Variants in ANKRD13C observed in about 807,000 individuals in gnomAD.
ANKRD13C encodes the protein ankyrin repeat domain-containing protein 13C.
A neutral mutation model predicts 65.5 loss-of-function variants in ANKRD13C; 16 were observed. That is an observed-to-expected ratio of 0.24 (90% confidence interval 0.17 to 0.37). ANKRD13C has a LOEUF of 0.37. Ranked by LOEUF, ANKRD13C falls within the 10% of genes least tolerant of loss-of-function variation. The pLI, the probability that ANKRD13C is intolerant of heterozygous loss-of-function variation, is 1.00. For missense variants in ANKRD13C, 503 were observed against 655.9 expected, an observed-to-expected ratio of 0.77 and a Z score of 2.55; for synonymous variants, 235 against 238.7, an observed-to-expected ratio of 0.98 and a Z score of 0.14.
chr1:70,268,874 G>C (rs532421686), intron 12 of ANKRD13C, among the ~76,000 whole-genome samples: 1 of 150,590 alleles, frequency 6.6e-6, no homozygotes. Context: ...ATTTTTTTTT[G>C]ATTTTTTAGT....
At chr1:70,286,138 T>G (rs1242444207) in intron 9 of ANKRD13C, among the ~76,000 whole-genome samples, 4 of 152,180 alleles carry the variant, frequency 2.6e-5, no homozygotes, top group Non-Finnish European at 5.9e-5. Context: ...AATTCTATTT[T>G]GTTGTTCTTG....
At chr1:70,307,088 A>T (rs1159434973) in intron 5 of ANKRD13C, among the ~76,000 whole-genome samples, 1 of 152,216 alleles carries the variant, frequency 6.6e-6, no homozygotes, top group African/African-American at 2.4e-5. Context: ...TCTGTGTGTA[A>T]GATACGGCAG....
At chr1:70,296,530 T>G (rs976667697) in intron 7 of ANKRD13C, among the ~76,000 whole-genome samples, 3 of 152,204 alleles carry the variant, frequency 2.0e-5, no homozygotes, top group African/African-American at 7.2e-5. Flanking sequence ...GTTATAGATA[T>G]GTAATGGAAG....
intron 1 of ANKRD13C, among the ~76,000 whole-genome samples, chr1:70,352,655 G>A (rs999621771): frequency 1.3e-5 from 2 of 152,120 alleles, no homozygotes; most frequent in Non-Finnish European, 2.9e-5. Flanking sequence ...ATAAACTGAA[G>A]CTACAACCCA....
chr1:70,350,452 T>C (rs554143794), intron 1 of ANKRD13C, among the ~76,000 whole-genome samples: 2 of 152,312 alleles, frequency 1.3e-5, no homozygotes, highest in Admixed American at 6.5e-5. Context: ...AACCTGAAGG[T>C]AATCTTGCCA....
chr1:70,280,856 T>C (rs1679355996), intron 9 of ANKRD13C, among the ~76,000 whole-genome samples: 1 of 152,130 alleles, frequency 6.6e-6, no homozygotes, highest in African/African-American at 2.4e-5. Flanking sequence ...TAGGAAGCTA[T>C]CTCAGTAATC....
At chr1:70,324,144 T>C (rs930382464) in intron 3 of ANKRD13C, among the ~76,000 whole-genome samples, 6 of 152,178 alleles carry the variant, frequency 3.9e-5, no homozygotes, top group Admixed American at 3.9e-4. Flanking sequence ...ACTGCCAACG[T>C]TTTTTATTTC....
intron 5 of ANKRD13C, among the ~76,000 whole-genome samples, chr1:70,308,220 T>C (rs1244191442): frequency 6.6e-6 from 1 of 152,104 alleles, no homozygotes; most frequent in African/African-American, 2.4e-5. Context: ...GGTCTTGAAC[T>C]CCTAGCCTCA....
chr1:70,340,715 T>G (rs1682270538), intron 1 of ANKRD13C, among the ~76,000 whole-genome samples: 1 of 152,216 alleles, frequency 6.6e-6, no homozygotes. Flanking sequence ...TGAAGCCATG[T>G]TATCAAGTGC....
chr1:70,280,238 A>G (rs1172055551), intron 9 of ANKRD13C, among the ~76,000 whole-genome samples: 1 of 152,226 alleles, frequency 6.6e-6, no homozygotes, highest in Non-Finnish European at 1.5e-5. Flanking sequence ...CAGGGGCTAC[A>G]GAATGATATA....
At chr1:70,327,839 C>T (rs1398328606) in intron 2 of ANKRD13C, among the ~76,000 whole-genome samples, 4 of 151,936 alleles carry the variant, frequency 2.6e-5, no homozygotes, top group African/African-American at 9.7e-5. Flanking sequence ...CCAAGGGGGG[C>T]GGATCATCTG....
chr1:70,325,883 T>C (rs1300638239), intron 2 of ANKRD13C, among the ~76,000 whole-genome samples: 1 of 149,060 alleles, frequency 6.7e-6, no homozygotes, highest in African/African-American at 2.5e-5. Context: ...CATCTCAAAA[T>C]AAAATAAAAT....
intron 9 of ANKRD13C, among the ~76,000 whole-genome samples, chr1:70,286,344 A>G (rs1679623235): frequency 1.3e-5 from 2 of 152,296 alleles, no homozygotes. Flanking sequence ...CATTTTCTTC[A>G]TTCTAAAAAA....
Position 70,274,719 on chromosome 1 carries a change from C to A in ANKRD13C, c.1394+1G>T. 1 of 1,605,188 alleles carries A rather than the reference C, an allele frequency of 6.2e-7. No homozygotes were observed. Reference sequence around the variant, plus strand: ...ACATTTGTAGTTAGTAACAAACTTACAACTCTATCCCTAAGGGAAATTCCT... The same window carrying A: ...ACATTTGTAGTTAGTAACAAACTTAAAACTCTATCCCTAAGGGAAATTCCT... On this transcript the variant is annotated splice_donor_variant, in intron 11 of 12. Transcript: ENST00000370944. LOFTEE classifies it high-confidence loss of function.
At chr1:70,279,847 G>T (rs888674189) in intron 9 of ANKRD13C, among the ~76,000 whole-genome samples, 1 of 152,188 alleles carries the variant, frequency 6.6e-6, no homozygotes, top group Middle Eastern at 3.4e-3. Flanking sequence ...TGTGCGGCAC[G>T]CATTAATAAA....
intron 3 of ANKRD13C, among the ~76,000 whole-genome samples, chr1:70,323,703 C>T (rs982147557): frequency 2.5e-4 from 38 of 151,016 alleles, no homozygotes; most frequent in African/African-American, 8.3e-4. Context: ...AATGTATGTG[C>T]GGTACAATAT....
Position 70,324,922 on chromosome 1 carries a change from C to T in ANKRD13C, c.508G>A (p.Val170Ile). The change falls in exon 3 of 13, where the codon GTC becomes ATC. Residue 170 changes from valine to isoleucine, a missense_variant. This residue lies in a region of ANKRD13C where 300 missense variants were observed against 478.3 expected (regional missense o/e 0.63). Coordinates refer to ENST00000370944, the MANE Select transcript of ANKRD13C (RefSeq NM_030816.5). The stretch of plus-strand genomic sequence containing the variant: ...CATCCCTGAGCATTTTTCACCTTGA[C>T]TGGAGCATTGTGAGCCAAAAGTAAA... ...AHLLLAHNAP[V>I]KVKNAQGWSP... The T allele has an allele frequency of 6.2e-7, 1 of 1,611,488 alleles. No individual in the cohort carries two copies. Among genetic ancestry groups the T allele is most frequent in the Non-Finnish European group, 8.5e-7 (1 of 1,178,532 alleles).
In ANKRD13C at chr1:70,335,439, A is replaced by G. The variant is rs112477368; in HGVS notation, c.472+619T>C. 2.9e-3 allele frequency among the ~76,000 whole-genome samples: 447 copies of G among 151,800 alleles called. 6 individuals carry two copies. Among genetic ancestry groups the G allele is most frequent in the African/African-American group, 0.01 (435 of 41,464 alleles). ...AAAAAAGAAAAAATTTTTACTAAACACATTTAAAATATAAAAATCTAGTAC... is the reference window on the plus strand; with the variant it reads ...AAAAAAGAAAAAATTTTTACTAAACGCATTTAAAATATAAAAATCTAGTAC... On this transcript the variant is annotated intron_variant, in intron 2 of 12. Coordinates refer to ENST00000370944, the MANE Select transcript of ANKRD13C (RefSeq NM_030816.5).
At chr1:70,310,055 G>C (rs1047092661) in intron 5 of ANKRD13C, among the ~76,000 whole-genome samples, 3 of 152,108 alleles carry the variant, frequency 2.0e-5, no homozygotes, top group African/African-American at 7.2e-5. Context: ...CAAATACTTA[G>C]GGGTCGGTAT....
Sources: allele counts gnomAD v4.1 joint callset (sites outside exome capture counted in the v4.1 genomes callset), GRCh38; gene constraint gnomAD v4.1.1; regional missense constraint gnomAD v4.1.1; transcripts MANE v1.5; gene names NCBI Gene and HGNC (gene_info 2026-07-23, HGNC 2026-07-21).